ELL: variants seen among roughly 807,000 people sequenced by gnomAD.
ELL encodes RNA polymerase II elongation factor ELL.
In ELL, 18 loss-of-function variants were observed where a neutral mutation model predicts 64.0. That is an observed-to-expected ratio of 0.28 (90% CI 0.19 to 0.42). The LOEUF (loss-of-function observed/expected upper bound fraction) is 0.42. Among genes scored for constraint, ELL ranks in the 10% least tolerant of loss-of-function variants. ELL has a pLI of 1.00. For synonymous variants in ELL, 399 were observed against 376.2 expected (o/e 1.06, Z -0.70); for missense variants, 797 against 870.4 (o/e 0.92, Z 1.06).
At position 18,462,365 on chromosome 19, in the gene ELL, T is replaced by TGTGTGTGTGTG. The variant is rs1295088969; in HGVS notation, c.470-514_470-513insCACACACACAC. Among the ~76,000 whole-genome samples the TGTGTGTGTGTG allele has an allele frequency of 5.1e-3, 198 of 38,802 alleles. 27 individuals carry two copies. Among genetic ancestry groups the TGTGTGTGTGTG allele is most frequent in the African/African-American group, 0.013 (65 of 5,066 alleles). The allele number at this position is 38,802 out of a possible 152,430, so 25.5% of individuals were successfully genotyped here. A position where few individuals can be genotyped will look rare whatever the true frequency, so the allele number is the denominator to read the frequency against. On this transcript the variant is annotated intron_variant, in intron 4 of 11. Coordinates refer to ENST00000262809, the MANE Select transcript of ELL (RefSeq NM_006532.4). ...TGTGTGTGTGTGTGTGTGTGTGTGT[T>TGTGTGTGTGTG]TGGGCGGGGGGCGGGGGGGGAAGGA...
rs35943686 is a variant in ELL, at chr19:18,446,405, G to A, written c.1608C>T (p.Tyr536=). ...KNDFNAEYSE[Y]RDLHARIERI... ...GCTCAATGCGGGCGTGCAGGTCGCG[G>A]TACTCGCTGTACTCGGCATTGAAGT... Residue 536 remains tyrosine, a synonymous_variant, in exon 10 of 12, where the codon TAC becomes TAT. Transcript: ENST00000262809. 7.4e-4 allele frequency: 1,195 copies of A among 1,612,380 alleles called. 10 individuals are homozygous for A. The African/African-American group carries it at 0.015, about 20-fold the overall frequency.
intron 1 of ELL, among the ~76,000 whole-genome samples, chr19:18,497,376 G>C (rs958510854): frequency 2.0e-5 from 3 of 152,214 alleles, no homozygotes; most frequent in African/African-American, 7.2e-5. Context: ...GGGGAGGAAG[G>C]GGATGAGTAG....
At position 18,450,777 on chromosome 19, in the gene ELL, C is replaced by G. The variant is rs775539289; in HGVS notation, c.1165G>C (p.Glu389Gln). 1 of 1,578,870 alleles carries G rather than the reference C, an allele frequency of 6.3e-7. No individual in the cohort carries two copies. The highest frequency in any genetic ancestry group is 2.3e-5 in the East Asian group (1 of 43,924). Residue 389 changes from glutamate to glutamine, a missense_variant, in exon 8 of 12, where the codon GAG becomes CAG. Physicochemically the swap from Glu to Gln is conservative, Grantham distance 29 (BLOSUM62 2). Coordinates refer to ENST00000262809, the MANE Select transcript of ELL (RefSeq NM_006532.4). Reference protein sequence around the residue: ...SSSTHLPPRLEPPRAHDPLAD... With the variant: ...SSSTHLPPRLQPPRAHDPLAD... ...AGGGGGTCGTGGGCCCTCGGGGGCT[C>G]CAGCCGCGGGGGCAGGTGAGTGCTG...
intron 2 of ELL, among the ~76,000 whole-genome samples, chr19:18,470,017 C>G (rs1246366707): frequency 6.6e-6 from 1 of 152,260 alleles, no homozygotes; most frequent in Non-Finnish European, 1.5e-5. Context: ...GCTAACAGCC[C>G]ACTAAAGTGA....
intron 1 of ELL, among the ~76,000 whole-genome samples, chr19:18,519,409 C>T (rs1976204145): frequency 6.6e-6 from 1 of 152,136 alleles, no homozygotes; most frequent in South Asian, 2.1e-4. Flanking sequence ...TTCTTCAAGC[C>T]ACCTTCCTCA....
chr19:18,460,146 C>A (rs988502191), intron 5 of ELL, among the ~76,000 whole-genome samples: 4 of 152,162 alleles, frequency 2.6e-5, no homozygotes, highest in Admixed American at 1.3e-4. Flanking sequence ...GAGGGCCAAG[C>A]ACCTTTGAGG....
Position 18,458,301 on chromosome 19 carries a change from G to A in ELL, c.773C>T (p.Thr258Met), listed in dbSNP as rs757361492. The A allele has an allele frequency of 1.4e-5, 23 of 1,613,034 alleles. No homozygotes were observed. Among genetic ancestry groups the A allele is most frequent in the East Asian group, 1.3e-4 (6 of 44,874 alleles). ...GTACATGCAGTCCTGCAGTGTACAC[G>A]TGCCGTCCTTAGCACTCATGTTGGC... ...QVANMSAKDG[T>M]CTLQDCMYKD... is the part of the protein sequence containing the mutation. Residue 258 changes from threonine (T) to methionine (M), a missense_variant, in exon 6 of 12, where the codon ACG becomes ATG. Coordinates refer to ENST00000262809, the MANE Select transcript of ELL (RefSeq NM_006532.4).
In ELL at chr19:18,507,971, G is replaced by C. The variant is rs1283240924; in HGVS notation, c.135+13950C>G. 2.6e-5 allele frequency among the ~76,000 whole-genome samples: 4 copies of C among 152,310 alleles called. No individual in the cohort carries two copies. The South Asian group carries it at 6.2e-4, about 24-fold the overall frequency. ...AACTCCACAAGGGACACACAAGCCA[G>C]CCCTTCCCATCCAGGCTGCACATGA... On this transcript the variant is annotated intron_variant, in intron 1 of 11. Transcript: ENST00000262809.
At chr19:18,519,952 GTTC>G (rs1223438641) in intron 1 of ELL, among the ~76,000 whole-genome samples, 1 of 152,138 alleles carries the variant, frequency 6.6e-6, no homozygotes, top group African/African-American at 2.4e-5. Flanking sequence ...GCTTGGAAAA[GTTC>G]TTCTAGGAAG....
intron 1 of ELL, among the ~76,000 whole-genome samples, chr19:18,518,336 C>G (rs1342428179): frequency 6.6e-6 from 1 of 150,666 alleles, no homozygotes; most frequent in African/African-American, 2.5e-5. Flanking sequence ...CCCGTCTCTA[C>G]AAAAAAATTT....
intron 1 of ELL, among the ~76,000 whole-genome samples, chr19:18,482,916 C>T (rs8102717): frequency 0.32 from 48,374 of 151,620 alleles, 9,653 homozygotes; most frequent in African/African-American, 0.57. Context: ...TATCCCCAAG[C>T]AGCTGTGCCA....
At chr19:18,463,294 C>T (rs935998019) in intron 4 of ELL, among the ~76,000 whole-genome samples, 1 of 147,210 alleles carries the variant, frequency 6.8e-6, no homozygotes, top group Admixed American at 6.8e-5. Context: ...GAGGGGGGCA[C>T]TGTGAGACAG....
intron 10 of ELL, chr19:18,445,482 C>G (rs1427798933): frequency 4.7e-5 from 13 of 276,594 alleles, no homozygotes; most frequent in Non-Finnish European, 8.9e-5. Context: ...GAGGCAATAG[C>G]AGGTGGGGCA....
chr19:18,506,335 C>T (rs1975884182), intron 1 of ELL, among the ~76,000 whole-genome samples: 1 of 152,256 alleles, frequency 6.6e-6, no homozygotes, highest in Non-Finnish European at 1.5e-5. Flanking sequence ...AGTGGAGGGA[C>T]ACCCGGGCTG....
At chr19:18,471,697 C>CAT (rs1201566789) in intron 2 of ELL, among the ~76,000 whole-genome samples, 1 of 152,182 alleles carries the variant, frequency 6.6e-6, no homozygotes, top group African/African-American at 2.4e-5. Flanking sequence ...CATTCTAAGG[C>CAT]ATATCGGGTA....
Position 18,444,637 on chromosome 19 carries a change from C to CA in ELL, c.*114_*115insT. On this transcript the variant is annotated 3_prime_UTR_variant, in exon 12 of 12. Transcript: ENST00000262809. ...ACGTCTGCAGGGGCTGCCCTGAAAGCCGGCGGTGCTGGCTCAGATGAGCAT... is the reference window on the plus strand; with the variant it reads ...ACGTCTGCAGGGGCTGCCCTGAAAGCACGGCGGTGCTGGCTCAGATGAGCAT... 1 of 1,191,510 alleles carries CA rather than the reference C, an allele frequency of 8.4e-7. No individual in the cohort carries two copies. The highest frequency in any genetic ancestry group is 2.5e-5 in the East Asian group (1 of 40,550). The allele number at this position is 1,191,510 out of a possible 1,614,324, so 73.8% of individuals were successfully genotyped here. A position where few individuals can be genotyped will look rare whatever the true frequency, so the allele number is the denominator to read the frequency against.
At chr19:18,497,815 CAAAAAAAAA>C (rs58521941) in intron 1 of ELL, among the ~76,000 whole-genome samples, 2 of 54,214 alleles carry the variant, frequency 3.7e-5, no homozygotes, top group Admixed American at 2.3e-4. Context: ...GATCTCATCT[CAAAAAAAAA>C]AAAAAAAAAA....
chr19:18,468,143 C>A (rs1344490983), intron 2 of ELL, among the ~76,000 whole-genome samples: 2 of 149,592 alleles, frequency 1.3e-5, no homozygotes, highest in Non-Finnish European at 3.0e-5. Flanking sequence ...AACCCCCACA[C>A]AGCCACACAA....
chr19:18,474,681 A>T (rs1033734062), intron 1 of ELL, among the ~76,000 whole-genome samples: 1 of 152,058 alleles, frequency 6.6e-6, no homozygotes, highest in African/African-American at 2.4e-5. Context: ...CTACTGCGAC[A>T]AGGGGGGCTC....
Sources: gnomAD v4.1 joint callset for allele counts (sites outside exome capture counted in the v4.1 genomes callset) on GRCh38, gnomAD v4.1.1 for gene constraint, MANE v1.5 for transcripts, NCBI Gene and HGNC (gene_info 2026-07-23, HGNC 2026-07-21) for gene names.